The following CDH4 variants were observed in gnomAD, a reference collection of about 807,000 sequenced individuals.
CDH4 encodes the protein cadherin-4.
A neutral mutation model predicts 86.0 loss-of-function variants in CDH4; 33 were observed. The ratio of observed to expected loss-of-function variants is 0.38; its 90% CI spans 0.29 to 0.51. CDH4 has a LOEUF of 0.51. Among genes scored for constraint, CDH4 ranks in the 20% least tolerant of loss-of-function variants. The pLI is 0.86. For missense variants in CDH4, 1,114 were observed against 1,307.4 expected, an observed-to-expected ratio of 0.85 and a Z score of 2.28; for synonymous variants, 555 against 549.4, an observed-to-expected ratio of 1.01 and a Z score of -0.14.
At chr20:61,762,599 G>A (rs1177901956) in intron 3 of CDH4, among the ~76,000 whole-genome samples, 1 of 152,234 alleles carries the variant, frequency 6.6e-6, no homozygotes, top group Non-Finnish European at 1.5e-5. Context: ...CAGCCTGGAA[G>A]ACAAGGAGAG....
chr20:61,309,110 G>C (rs2123219280), intron 2 of CDH4, among the ~76,000 whole-genome samples: 1 of 152,380 alleles, frequency 6.6e-6, no homozygotes, highest in East Asian at 1.9e-4. Flanking sequence ...ATGGAGCCAA[G>C]CACAGGGCGC....
chr20:61,650,349 C>A (rs1056397056), intron 2 of CDH4, among the ~76,000 whole-genome samples: 1 of 152,182 alleles, frequency 6.6e-6, no homozygotes, highest in African/African-American at 2.4e-5. Flanking sequence ...TGCTGTCTTG[C>A]ACAGAGGCAG....
At chr20:61,457,626 C>CTGG (rs984403289) in intron 2 of CDH4, among the ~76,000 whole-genome samples, 4 of 151,902 alleles carry the variant, frequency 2.6e-5, no homozygotes, top group African/African-American at 9.7e-5. Context: ...AGTGCTGGCA[C>CTGG]TGGTGGTGGT....
At position 61,440,752 on chromosome 20, in the gene CDH4, G is replaced by A. The variant is rs558256182; in HGVS notation, c.169+185815G>A. On this transcript the variant is annotated intron_variant, in intron 2 of 15. Coordinates refer to ENST00000614565, the MANE Select transcript of CDH4 (RefSeq NM_001794.5). ...CCGTGGCGGGCGCCATGGAGGAAGC[G>A]CTATTGTTGGTGTCCTCAGCAGGTG... 9.8e-5 allele frequency among the ~76,000 whole-genome samples: 15 copies of A among 152,304 alleles called. No homozygotes were observed. The South Asian group carries it at 2.9e-3, about 29-fold the overall frequency.
rs372539441 is a variant in CDH4, at chr20:61,923,436, G to T, written c.1375-15G>T. Reference sequence around the variant, plus strand: ...GCTGTGCCAGGTCACTCCCAGCCCTGATCTGTTGTTCCAGGCAGTCGACTA... The same window carrying T: ...GCTGTGCCAGGTCACTCCCAGCCCTTATCTGTTGTTCCAGGCAGTCGACTA... On this transcript the variant is annotated splice_polypyrimidine_tract_variant and intron_variant, in intron 9 of 15. Coordinates refer to ENST00000614565, the MANE Select transcript of CDH4 (RefSeq NM_001794.5). 36 of 1,613,542 alleles carry T rather than the reference G, an allele frequency of 2.2e-5. No individual in the cohort carries two copies. In the African/African-American group the frequency reaches 4.4e-4, roughly 20 times the overall value.
intron 9 of CDH4, among the ~76,000 whole-genome samples, chr20:61,911,524 C>T (rs2054850797): frequency 6.6e-6 from 1 of 152,206 alleles, no homozygotes; most frequent in African/African-American, 2.4e-5. Context: ...AGAGCAAGAG[C>T]ACATTGGGCA....
rs1216071889 is a variant in CDH4, at chr20:61,510,203, A to G, written c.170-233360A>G. 6.6e-6 allele frequency among the ~76,000 whole-genome samples: 1 copy of G among 152,208 alleles called. No homozygotes were observed. The highest frequency in any genetic ancestry group is 1.5e-5 in the Non-Finnish European group (1 of 68,036). Reference sequence around the variant, plus strand: ...AGTGATTTGCAATATGCCAGCATCTATGCGCTCAGCACTCCCGCTCGTGGA... The same window carrying G: ...AGTGATTTGCAATATGCCAGCATCTGTGCGCTCAGCACTCCCGCTCGTGGA... On this transcript the variant is annotated intron_variant, in intron 2 of 15. Transcript: ENST00000614565. The surrounding 1 kb of genome is among the most constrained non-coding windows in gnomAD (Gnocchi z 4.2).
chr20:61,316,650 G>A (rs1191736519), intron 2 of CDH4, among the ~76,000 whole-genome samples: 1 of 152,230 alleles, frequency 6.6e-6, no homozygotes, highest in Non-Finnish European at 1.5e-5. Context: ...ACTGATGGGT[G>A]GAAGGTTTGA....
In CDH4 at chr20:61,810,651, C is replaced by G. The variant is rs1041142028; in HGVS notation, c.577-34017C>G. 9.2e-5 allele frequency among the ~76,000 whole-genome samples: 14 copies of G among 152,236 alleles called. No individual in the cohort carries two copies. The highest frequency in any genetic ancestry group is 3.4e-4 in the African/African-American group (14 of 41,468). ...AACACCTCCCAGCCCCCTAACAAGC[C>G]AGGAACCACTCCAGGGCTATAAAAC... On this transcript the variant is annotated intron_variant, in intron 4 of 15. Transcript: ENST00000614565. The surrounding 1 kb of genome is among the most constrained non-coding windows in gnomAD (Gnocchi z 4.3).
chr20:61,464,849 A>G (rs2085464126), intron 2 of CDH4, among the ~76,000 whole-genome samples: 1 of 152,208 alleles, frequency 6.6e-6, no homozygotes, highest in African/African-American at 2.4e-5. Context: ...GCTGTTACCA[A>G]ACTAATTTTC....
chr20:61,814,664 G>C (rs1304122090), intron 4 of CDH4, among the ~76,000 whole-genome samples: 2 of 152,238 alleles, frequency 1.3e-5, no homozygotes, highest in African/African-American at 4.8e-5. Flanking sequence ...TGGAGTGTTT[G>C]TAATTGCTAT....
chr20:61,495,086 C>T (rs1330921393), intron 2 of CDH4, among the ~76,000 whole-genome samples: 2 of 152,218 alleles, frequency 1.3e-5, no homozygotes, highest in Non-Finnish European at 2.9e-5. Flanking sequence ...AGGGCAGGGC[C>T]CCCAAACAGC....
At chr20:61,581,536 G>A (rs2086428468) in intron 2 of CDH4, among the ~76,000 whole-genome samples, 1 of 152,136 alleles carries the variant, frequency 6.6e-6, no homozygotes, top group Non-Finnish European at 1.5e-5. Flanking sequence ...CTCCTGGGAT[G>A]GTCCCTCCTC....
At chr20:61,448,530 C>T (rs571984472) in intron 2 of CDH4, among the ~76,000 whole-genome samples, 110 of 152,216 alleles carry the variant, frequency 7.2e-4, no homozygotes, top group Non-Finnish European at 1.2e-3. Flanking sequence ...TTGTAAAATA[C>T]ACACATTGTG....
At chr20:61,722,194 G>T (rs1465529989) in intron 2 of CDH4, among the ~76,000 whole-genome samples, 2 of 151,888 alleles carry the variant, frequency 1.3e-5, no homozygotes, top group African/African-American at 4.8e-5. Flanking sequence ...CTGCTTTGGG[G>T]TTTTTTTTCT....
At position 61,910,448 on chromosome 20, in the gene CDH4, C is replaced by T. The variant is rs568480999; in HGVS notation, c.1215C>T (p.Arg405=). The change falls in exon 9 of 16, where the codon CGC becomes CGT. Residue 405 remains arginine (R), a synonymous_variant. Coordinates refer to ENST00000614565, the MANE Select transcript of CDH4 (RefSeq NM_001794.5). The part of the protein sequence containing the change: ...STFAGEVPEN[R]VETVVANLTV... ...TTGCAGGGGAGGTCCCCGAAAACCG[C>T]GTGGAGACCGTGGTCGCAAACCTCA... The T allele has an allele frequency of 2.5e-5, 41 of 1,613,770 alleles. No individual in the cohort carries two copies. The highest frequency in any genetic ancestry group is 6.7e-5 in the Admixed American group (4 of 60,022).
At chr20:61,861,900 C>A (rs13037788) in intron 6 of CDH4, among the ~76,000 whole-genome samples, 1 of 152,200 alleles carries the variant, frequency 6.6e-6, no homozygotes, top group African/African-American at 2.4e-5. Context: ...GAACCCCACC[C>A]TCCAGAAGCG....
chr20:61,500,314 C>A (rs1462124571), intron 2 of CDH4, among the ~76,000 whole-genome samples: 2 of 152,208 alleles, frequency 1.3e-5, no homozygotes, highest in East Asian at 3.8e-4. Flanking sequence ...CAATGATCAC[C>A]AATTATAAAG....
intron 2 of CDH4, among the ~76,000 whole-genome samples, chr20:61,281,313 C>G (rs2084257690): frequency 6.6e-6 from 1 of 152,166 alleles, no homozygotes; most frequent in South Asian, 2.1e-4. Context: ...AAGGTGCACC[C>G]CTCATGAGTG....
Sources: allele counts gnomAD v4.1 joint callset (sites outside exome capture counted in the v4.1 genomes callset), GRCh38; gene constraint gnomAD v4.1.1; non-coding constraint Gnocchi (gnomAD v3.1); transcripts MANE v1.5; gene names NCBI Gene and HGNC (gene_info 2026-07-23, HGNC 2026-07-21).